Variants in ZBTB11 observed in about 807,000 individuals in gnomAD.
The protein encoded by ZBTB11 is zinc finger and BTB domain-containing protein 11.
A neutral mutation model predicts 113.1 loss-of-function variants in ZBTB11; 68 were observed. The observed-to-expected ratio is 0.60, with a 90% CI of 0.49 to 0.74. ZBTB11 has a LOEUF of 0.74. Among genes scored for constraint, ZBTB11 ranks in the 30% least tolerant of loss-of-function variants. The probability of loss-of-function intolerance (pLI) is 0.00; values close to 1 mark genes in which losing one functional copy is unlikely to be tolerated. For synonymous variants in ZBTB11, 518 were observed against 452.6 expected, an observed-to-expected ratio of 1.14 and a Z score of -1.83; for missense variants, 1,104 against 1,279.4, an observed-to-expected ratio of 0.86 and a Z score of 2.09.
intron 6 of ZBTB11, 79 bp downstream of exon 6, chr3:101,659,704 C>G (rs1936854813): frequency 1.3e-6 from 2 of 1,524,650 alleles, no homozygotes; most frequent in Admixed American, 1.8e-5. Flanking sequence ...CTTGAGAATA[C>G]ATATCCCACC....
chr3:101,663,697 C>T (rs1306480316), intron 5 of ZBTB11, among the ~76,000 whole-genome samples: 1 of 152,078 alleles, frequency 6.6e-6, no homozygotes, highest in Non-Finnish European at 1.5e-5. Flanking sequence ...TTGAGACCAG[C>T]CTGGCCAACA....
chr3:101,674,718 A>T (rs938677944), intron 1 of ZBTB11, among the ~76,000 whole-genome samples: 25 of 151,644 alleles, frequency 1.6e-4, no homozygotes, highest in African/African-American at 5.6e-4. Context: ...AAATAAAATA[A>T]ATAAATAAAT....
Position 101,649,854 on chromosome 3 carries a change from G to C in ZBTB11, c.*1312C>G, listed in dbSNP as rs929413862. On this transcript the variant is annotated 3_prime_UTR_variant, in exon 11 of 11. Coordinates refer to ENST00000312938, the MANE Select transcript of ZBTB11 (RefSeq NM_014415.4). Reference sequence around the variant, plus strand: ...TGTGCTTTAGGAATGATTTACATGTGATCTGCTTATATCTTAATTTTATAC... The same window carrying C: ...TGTGCTTTAGGAATGATTTACATGTCATCTGCTTATATCTTAATTTTATAC... The C allele has an allele frequency of 6.6e-6, 1 of 152,572 alleles. No individual in the cohort carries two copies. Among genetic ancestry groups the C allele is most frequent in the African/African-American group, 2.4e-5 (1 of 41,438 alleles). The allele number at this position is 152,572 out of a possible 1,614,324, so 9.5% of individuals were successfully genotyped here.
Position 101,672,025 on chromosome 3 carries a change from A to C in ZBTB11, c.499T>G (p.Ser167Ala). Residue 167 changes from serine to alanine, a missense_variant, in exon 2 of 11, where the codon TCC (serine) becomes GCC (alanine). Around this residue, in one of 5 missense-constraint regions of ZBTB11, gnomAD observed 245 missense variants for 272.5 expected, o/e 0.90. Coordinates refer to ENST00000312938, the MANE Select transcript of ZBTB11 (RefSeq NM_014415.4). ...SNFTSSPTTA[S>A]KPAKKKPVSK... ...ACTGGCTTCTTTTTTGCAGGCTTGG[A>C]TGCTGTAGTTGGAGATGAAGTAAAG... 1 of 1,614,170 alleles carries C rather than the reference A, an allele frequency of 6.2e-7. No individual in the cohort carries two copies. The highest frequency in any genetic ancestry group is 2.2e-5 in the East Asian group (1 of 44,874).
chr3:101,653,335 T>C (rs751026944), intron 8 of ZBTB11, among the ~76,000 whole-genome samples: 23 of 152,162 alleles, frequency 1.5e-4, no homozygotes, highest in Non-Finnish European at 2.6e-4. Context: ...CCCTTGGCCA[T>C]AGTGATTGAC....
chr3:101,664,312 T>A (rs1221336681), intron 5 of ZBTB11, among the ~76,000 whole-genome samples: 1 of 152,236 alleles, frequency 6.6e-6, no homozygotes, highest in African/African-American at 2.4e-5. Flanking sequence ...ATTTTTAAAA[T>A]GATCTTTTTA....
chr3:101,651,758 C>A, intron 10 of ZBTB11, 75 bp from the exon 11 acceptor site: 4 of 1,428,354 alleles, frequency 2.8e-6, no homozygotes, highest in Non-Finnish European at 3.7e-6. Context: ...TACCAAACTT[C>A]CTTTTATTAA....
intron 5 of ZBTB11, chr3:101,662,137 A>T (rs1236991336): frequency 1.3e-5 from 2 of 152,150 alleles, no homozygotes; most frequent in African/African-American, 4.8e-5. Flanking sequence ...GTGAACAGTC[A>T]ATTGAGATAA....
intron 6 of ZBTB11, 126 bp downstream of exon 6, chr3:101,659,657 G>A (rs1400735071): frequency 4.2e-6 from 5 of 1,193,788 alleles, no homozygotes; most frequent in South Asian, 1.5e-5. Flanking sequence ...CAATAAAGAA[G>A]TCATAAATTT....
At position 101,651,577 on chromosome 3, in the gene ZBTB11, A is replaced by G. The variant is rs766446047; in HGVS notation, c.2751T>C (p.Pro917=). 6.2e-6 allele frequency: 10 copies of G among 1,614,110 alleles called. No individual in the cohort carries two copies. Among genetic ancestry groups the G allele is most frequent in the African/African-American group, 1.3e-5 (1 of 75,050 alleles). The change falls in exon 11 of 11, where the codon CCT becomes CCC. Residue 917 remains proline (P), a synonymous_variant. Transcript: ENST00000312938. The part of the protein sequence containing the change: ...THTGERPYVC[P]VCSEAYIDAR... ...CATCTATGTAGGCTTCGCTACATACAGGACAGACATAGGGCCGTTCACCAG... is the reference window on the plus strand; with the variant it reads ...CATCTATGTAGGCTTCGCTACATACGGGACAGACATAGGGCCGTTCACCAG...
At chr3:101,675,005 C>T (rs1416634564) in intron 1 of ZBTB11, among the ~76,000 whole-genome samples, 3 of 152,262 alleles carry the variant, frequency 2.0e-5, no homozygotes, top group East Asian at 3.9e-4. Context: ...CCTAGGAGGT[C>T]GAGGCTACAG....
chr3:101,654,247 G>A (rs1936755184), intron 8 of ZBTB11, among the ~76,000 whole-genome samples: 1 of 152,136 alleles, frequency 6.6e-6, no homozygotes, highest in African/African-American at 2.4e-5. Context: ...TGCCACGTTG[G>A]CCAGGCTGGT....
rs1936698766 is a variant in ZBTB11, at chr3:101,651,356, T to C, written c.2972A>G (p.Glu991Gly). 6.2e-7 allele frequency: 1 copy of C among 1,613,926 alleles called. No individual in the cohort carries two copies. The highest frequency in any genetic ancestry group is 1.3e-5 in the African/African-American group (1 of 74,924). The part of the protein sequence containing the change: ...QELETVVVTG[E>G]TMEALEAVAA... ...AACAGCTTCCAGAGCTTCCATAGTTTCTCCTGTCACTACCACAGTCTCAAG... is the reference window on the plus strand; with the variant it reads ...AACAGCTTCCAGAGCTTCCATAGTTCCTCCTGTCACTACCACAGTCTCAAG... Residue 991 changes from glutamate to glycine, a missense_variant, in exon 11 of 11, where the codon GAA (glutamate) becomes GGA (glycine). By Grantham distance (98) the Glu-to-Gly change is moderately conservative. Around this residue, in one of 5 missense-constraint regions of ZBTB11, gnomAD observed 90 missense variants for 98.0 expected, o/e 0.92. Transcript: ENST00000312938.
chr3:101,655,093 G>A lies in ZBTB11; in HGVS notation c.2192-272C>T, dbSNP rs143868369. Among the ~76,000 whole-genome samples, 1,423 of 152,214 alleles carry A rather than the reference G, an allele frequency of 9.3e-3. 20 individuals carry two copies. Among genetic ancestry groups the A allele is most frequent in the African/African-American group, 0.032 (1,346 of 41,510 alleles). ...GGGTTTCACCATGTTAGCCAGGAGC[G>A]TCTCGATGTCATGACCTTGTGATCT... On this transcript the variant is annotated intron_variant, in intron 7 of 10. Transcript: ENST00000312938.
At position 101,649,064 on chromosome 3, in the gene ZBTB11, G is replaced by A. The variant is rs897998129; in HGVS notation, c.*2102C>T. 3 of 152,250 alleles carry A rather than the reference G, an allele frequency of 2.0e-5. No individual in the cohort carries two copies. The highest frequency in any genetic ancestry group is 4.4e-5 in the Non-Finnish European group (3 of 68,108). 9.4% of individuals were successfully genotyped at this position (152,250 alleles called of 1,614,324 possible). A position where few individuals can be genotyped will look rare whatever the true frequency, so the allele number is the denominator to read the frequency against. The stretch of plus-strand genomic sequence containing the variant: ...GCTGAACTCCTCTGGACGTTTAGAT[G>A]CTCCTCTCTTCTCTCCTCTGCCGCA... On this transcript the variant is annotated 3_prime_UTR_variant, in exon 11 of 11. Coordinates refer to ENST00000312938, the MANE Select transcript of ZBTB11 (RefSeq NM_014415.4).
At chr3:101,674,787 A>G (rs182622937) in intron 1 of ZBTB11, among the ~76,000 whole-genome samples, 7 of 152,096 alleles carry the variant, frequency 4.6e-5, no homozygotes, top group African/African-American at 1.7e-4. Context: ...AAATTAAAAA[A>G]AAAACAACTG....
chr3:101,674,644 A>C (rs1421523523), intron 1 of ZBTB11, among the ~76,000 whole-genome samples: 1 of 152,072 alleles, frequency 6.6e-6, no homozygotes, highest in Non-Finnish European at 1.5e-5. Context: ...AGTTGCAGTG[A>C]GCCGATATCG....
intron 1 of ZBTB11, among the ~76,000 whole-genome samples, chr3:101,675,055 T>TA (rs1937141592): frequency 6.6e-6 from 1 of 152,244 alleles, no homozygotes; most frequent in African/African-American, 2.4e-5. Flanking sequence ...CAAGACCCCC[T>TA]ACGCTCTGTC....
At position 101,665,113 on chromosome 3, in the gene ZBTB11, C is replaced by A. The variant is rs1388776858; in HGVS notation, c.1474G>T (p.Ala492Ser). Residue 492 changes from alanine (A) to serine (S), a missense_variant, in exon 4 of 11, where the codon GCA (alanine) becomes TCA (serine). By Grantham distance (99) the Ala-to-Ser change is moderately conservative. Transcript: ENST00000312938. ...KDQENLVAST[A>S]KTDFGPDDDT... is the part of the protein sequence containing the mutation. The stretch of plus-strand genomic sequence containing the variant: ...TCATCAGGGCCAAAGTCTGTCTTTG[C>A]TGTTGATGCAACTAGATTTTCCTGA... 8 of 1,614,168 alleles carry A rather than the reference C, an allele frequency of 5.0e-6. No individual in the cohort carries two copies. In the South Asian group the frequency reaches 8.8e-5, roughly 18 times the overall value.
Sources: gnomAD v4.1 joint callset for allele counts (sites outside exome capture counted in the v4.1 genomes callset) on GRCh38, gnomAD v4.1.1 for gene constraint, gnomAD v4.1.1 regional missense constraint, MANE v1.5 for transcripts, NCBI Gene and HGNC (gene_info 2026-07-23, HGNC 2026-07-21) for gene names.